CDH13: variants seen among roughly 807,000 people sequenced by gnomAD.
CDH13 encodes the protein cadherin 13.
CDH13 carries 24 observed loss-of-function variants against 63.8 expected under a neutral mutation model. The ratio of observed to expected loss-of-function variants is 0.38; its 90% CI spans 0.27 to 0.53. The LOEUF (loss-of-function observed/expected upper bound fraction) is 0.53. CDH13 is among the 20% of genes least tolerant of loss of function. The pLI is 0.85. For synonymous variants in CDH13, 503 were observed against 355.3 expected (o/e 1.42, Z -4.67); for missense variants, 1,049 against 903.1 (o/e 1.16, Z -2.07).
At chr16:83,663,172 C>T (rs776446836) in intron 8 of CDH13, among the ~76,000 whole-genome samples, 15 of 152,120 alleles carry the variant, frequency 9.9e-5, no homozygotes, top group African/African-American at 2.7e-4. Flanking sequence ...GTGGTTACCC[C>T]GGAGTCAGGT....
At chr16:82,760,994 C>A (rs2034817348) in intron 1 of CDH13, among the ~76,000 whole-genome samples, 1 of 123,066 alleles carries the variant, frequency 8.1e-6, no homozygotes, top group African/African-American at 2.8e-5. Flanking sequence ...ACCTCCAACT[C>A]TGGGGTTCAC....
chr16:83,793,642 G>A (rs1425338846), intron 13 of CDH13, among the ~76,000 whole-genome samples: 1 of 152,066 alleles, frequency 6.6e-6, no homozygotes, highest in Non-Finnish European at 1.5e-5. Flanking sequence ...CCTGGAACCT[G>A]TAAACATGTT....
intron 1 of CDH13, among the ~76,000 whole-genome samples, chr16:82,734,755 G>A (rs949966913): frequency 1.4e-4 from 21 of 152,300 alleles, no homozygotes; most frequent in Non-Finnish European, 2.4e-4. Flanking sequence ...AGACAGACAG[G>A]CCTTTATACT....
intron 5 of CDH13, among the ~76,000 whole-genome samples, chr16:83,228,643 A>G (rs1294197212): frequency 6.6e-6 from 1 of 152,188 alleles, no homozygotes; most frequent in East Asian, 1.9e-4. Flanking sequence ...TTTTGTGAGA[A>G]CAGCTGATGG....
intron 1 of CDH13, among the ~76,000 whole-genome samples, chr16:82,792,062 T>A (rs573870598): frequency 5.1e-4 from 78 of 152,290 alleles, no homozygotes; most frequent in Non-Finnish European, 9.3e-4. Flanking sequence ...TCCCCTCCTT[T>A]TGAGTGTGGG....
At chr16:82,631,074 C>G (rs768953158) in intron 1 of CDH13, among the ~76,000 whole-genome samples, 4 of 152,234 alleles carry the variant, frequency 2.6e-5, no homozygotes, top group Admixed American at 2.6e-4. Flanking sequence ...GTGTCTCTCT[C>G]TTTCTTGCTT....
intron 1 of CDH13, among the ~76,000 whole-genome samples, chr16:82,678,135 T>C (rs148706711): frequency 7.8e-4 from 118 of 152,230 alleles, no homozygotes; most frequent in African/African-American, 2.7e-3. Context: ...ACGGGAAACT[T>C]TCTTTTCCTG....
At chr16:82,702,577 A>G (rs1483081662) in intron 1 of CDH13, among the ~76,000 whole-genome samples, 1 of 152,134 alleles carries the variant, frequency 6.6e-6, no homozygotes, top group Non-Finnish European at 1.5e-5. Context: ...GGAATGTTTT[A>G]TCAGTCAAAT....
At chr16:82,633,422 C>G (rs1458772533) in intron 1 of CDH13, among the ~76,000 whole-genome samples, 1 of 152,242 alleles carries the variant, frequency 6.6e-6, no homozygotes, top group Non-Finnish European at 1.5e-5. Context: ...CTTTGTCACC[C>G]AAGCCGGAGT....
chr16:82,637,930 C>A (rs1428705013), intron 1 of CDH13, among the ~76,000 whole-genome samples: 4 of 152,166 alleles, frequency 2.6e-5, no homozygotes, highest in Non-Finnish European at 5.9e-5. Flanking sequence ...TGAACTGAAT[C>A]CCTGTCTCAT....
intron 2 of CDH13, 39 bp from the exon 3 acceptor site, chr16:83,031,971 C>G (rs1162665634): frequency 2.0e-6 from 3 of 1,497,990 alleles, no homozygotes; most frequent in Non-Finnish European, 2.7e-6. Context: ...AGCTGCCCAA[C>G]CTACTCATGC....
At chr16:83,007,706 C>G (rs112007312) in intron 2 of CDH13, among the ~76,000 whole-genome samples, 5,477 of 151,848 alleles carry the variant, frequency 0.036, 131 homozygotes, top group Non-Finnish European at 0.046. Flanking sequence ...TGCCTGTAGT[C>G]CCAGTAACTT....
intron 6 of CDH13, among the ~76,000 whole-genome samples, chr16:83,444,007 C>CGGTG (rs1831424286): frequency 6.7e-6 from 1 of 148,850 alleles, no homozygotes; most frequent in Admixed American, 6.7e-5. Context: ...ATGGCAAAGA[C>CGGTG]GGTGGTGAAG....
In CDH13 at chr16:82,816,779, A is replaced by G. The variant is rs2037734777; in HGVS notation, c.46-41583A>G. On this transcript the variant is annotated intron_variant, in intron 1 of 13. Transcript: ENST00000567109. ...TTTTATCATCACCGTCGTCACCATC[A>G]TCACTACCACCTGCTAGAAACTTCG... is the stretch of plus-strand genomic sequence containing the variant. Among the ~76,000 whole-genome samples the G allele has an allele frequency of 2.4e-5, 3 of 126,658 alleles. No homozygotes were observed. The South Asian group carries it at 8.1e-4, about 34-fold the overall frequency. 83.1% of individuals were successfully genotyped at this position (126,658 alleles called of 152,430 possible). A position where few individuals can be genotyped will look rare whatever the true frequency, so the allele number is the denominator to read the frequency against.
chr16:83,272,169 T>A (rs2088842388), intron 5 of CDH13, among the ~76,000 whole-genome samples: 2 of 152,216 alleles, frequency 1.3e-5, no homozygotes, highest in Admixed American at 1.3e-4. Flanking sequence ...GCAAATAAGA[T>A]GAAGTCTCCA....
intron 10 of CDH13, among the ~76,000 whole-genome samples, chr16:83,704,491 C>G (rs1906714663): frequency 6.6e-6 from 1 of 152,070 alleles, no homozygotes; most frequent in Non-Finnish European, 1.5e-5. Flanking sequence ...TGGATTTAAC[C>G]AAATCTGTAT....
In CDH13 at chr16:82,807,652, C is replaced by G. The variant is rs902638226; in HGVS notation, c.46-50710C>G. ...CTCATTGTGGGTTCAGGGATAATAA[C>G]CCTTAAGCTAAAGCCTTTATGAGTT... On this transcript the variant is annotated intron_variant, in intron 1 of 13. Transcript: ENST00000567109. Among the ~76,000 whole-genome samples, 3 of 152,114 alleles carry G rather than the reference C, an allele frequency of 2.0e-5. No individual in the cohort carries two copies. In the East Asian group the frequency reaches 5.8e-4, roughly 29 times the overall value.
intron 3 of CDH13, among the ~76,000 whole-genome samples, chr16:83,058,190 A>G (rs1016166486): frequency 2.6e-5 from 4 of 152,118 alleles, no homozygotes; most frequent in Admixed American, 2.0e-4. Context: ...GTGTGACCTT[A>G]GCCCCTCTCC....
chr16:82,762,970 A>G (rs1443549850), intron 1 of CDH13, among the ~76,000 whole-genome samples: 2 of 152,204 alleles, frequency 1.3e-5, no homozygotes, highest in African/African-American at 4.8e-5. Context: ...AACTGCTCTA[A>G]GATTGCAAGT....
Sources: allele counts gnomAD v4.1 joint callset (sites outside exome capture counted in the v4.1 genomes callset), GRCh38; gene constraint gnomAD v4.1.1; transcripts MANE v1.5; gene names NCBI Gene and HGNC (gene_info 2026-07-23, HGNC 2026-07-21).